Variants in CALN1 observed in about 807,000 individuals in gnomAD.
CALN1 encodes calcium-binding protein 8.
Under a neutral mutation model 30.6 loss-of-function variants are expected in CALN1, and 17 were observed. The ratio of observed to expected loss-of-function variants is 0.56; its 90% CI spans 0.38 to 0.83. The LOEUF is 0.83. Among genes scored for constraint, CALN1 ranks in the 40% least tolerant of loss-of-function variants. The pLI is 0.00. For missense variants in CALN1, 291 were observed against 354.9 expected, an observed-to-expected ratio of 0.82 and a Z score of 1.45; for synonymous variants, 156 against 131.4, an observed-to-expected ratio of 1.19 and a Z score of -1.28.
rs181601056 is a variant in CALN1 at position 72,245,224 on chromosome 7, A to G, written c.244+33462T>C. On this transcript the variant is annotated intron_variant, in intron 3 of 6. Transcript: ENST00000395275. ...GCAGGCAGCCCAGCCCCGCCCTGGT[A>G]AGGACAACATCATCTGAGCCACCAA... 6.1e-3 allele frequency among the ~76,000 whole-genome samples: 932 copies of G among 152,292 alleles called. 14 individuals carry two copies. Among genetic ancestry groups the G allele is most frequent in the African/African-American group, 0.021 (883 of 41,550 alleles).
At position 72,412,329 on chromosome 7, in the gene CALN1, A is replaced by G. The variant is rs1245198930; in HGVS notation, c.-345T>C. The G allele has an allele frequency of 6.6e-6, 1 of 151,988 alleles. No individual in the cohort carries two copies. The highest frequency in any genetic ancestry group is 1.5e-5 in the Non-Finnish European group (1 of 68,076). The allele number at this position is 151,988 out of a possible 1,614,324, so 9.4% of individuals were successfully genotyped here. ...CACAAACTCAAGCGGATAGCACCCC[A>G]GCGAGCTTCCCCAGCGGGCTCGGGG... On this transcript the variant is annotated 5_prime_UTR_variant, in exon 1 of 7. Coordinates refer to ENST00000395275, the MANE Select transcript of CALN1 (RefSeq NM_031468.4).
chr7:71,964,293 G>A (rs547892644), intron 5 of CALN1, among the ~76,000 whole-genome samples: 39 of 151,718 alleles, frequency 2.6e-4, no homozygotes, highest in Non-Finnish European at 4.4e-4. Context: ...GCATTTTTGG[G>A]CTCTGACCCC....
intron 2 of CALN1, among the ~76,000 whole-genome samples, chr7:72,286,293 G>A (rs1042227216): frequency 3.3e-5 from 5 of 152,160 alleles, no homozygotes; most frequent in Admixed American, 2.6e-4. Flanking sequence ...CCACCACTGT[G>A]AAGCAACAAC....
chr7:71,937,534 G>A (rs539163724), intron 5 of CALN1, among the ~76,000 whole-genome samples: 2 of 152,120 alleles, frequency 1.3e-5, no homozygotes, highest in East Asian at 3.9e-4. Flanking sequence ...ACGGGAGTCC[G>A]GTGGTGCAAT....
At chr7:72,008,640 G>A (rs898299172) in intron 5 of CALN1, among the ~76,000 whole-genome samples, 1 of 150,950 alleles carries the variant, frequency 6.6e-6, no homozygotes, top group Admixed American at 6.6e-5. Flanking sequence ...TCAAACCATG[G>A]TATGAGAAGA....
intron 3 of CALN1, among the ~76,000 whole-genome samples, chr7:72,125,794 T>A (rs999956973): frequency 7.9e-6 from 1 of 125,792 alleles, no homozygotes; most frequent in Non-Finnish European, 1.6e-5. Context: ...GTCCACTGTA[T>A]CATTCTTTTT....
intron 3 of CALN1, among the ~76,000 whole-genome samples, chr7:72,158,988 G>C (rs991116463): frequency 6.6e-6 from 1 of 152,012 alleles, no homozygotes; most frequent in African/African-American, 2.4e-5. Flanking sequence ...GAGTAGCTGG[G>C]ATTACAGGCA....
upstream of CALN1, among the ~76,000 whole-genome samples, chr7:72,451,562 A>G (rs1808664752): frequency 6.6e-6 from 1 of 151,984 alleles, no homozygotes; most frequent in South Asian, 2.1e-4. Flanking sequence ...ACCAGGGAGT[A>G]CCCTCATGTC....
chr7:71,939,422 A>AAT (rs1796009588), intron 5 of CALN1, among the ~76,000 whole-genome samples: 1 of 147,996 alleles, frequency 6.8e-6, no homozygotes, highest in Non-Finnish European at 1.5e-5. Context: ...AAAAAAAAAA[A>AAT]GTTGGCCAGG....
rs1345534069 is a variant in CALN1, at chr7:72,145,512, A to G, written c.245-39218T>C. Among the ~76,000 whole-genome samples the G allele has an allele frequency of 7.2e-5, 11 of 152,182 alleles. No individual in the cohort carries two copies. The East Asian group carries it at 1.9e-3, about 27-fold the overall frequency. On this transcript the variant is annotated intron_variant, in intron 3 of 6. Transcript: ENST00000395275. The stretch of plus-strand genomic sequence containing the variant: ...CCAACCAAAAAAAGTCCAGGACCAG[A>G]CAGATTCACAGCCGAATTCTACCAG...
chr7:72,502,824 CA>C, the CALN1 span, among the ~76,000 whole-genome samples: 53 of 152,220 alleles, frequency 3.5e-4, no homozygotes, highest in African/African-American at 1.2e-3. Context: ...ATAATTGTCT[CA>C]TTTTTTTCCT....
At chr7:72,115,924 T>C (rs1028507428) in intron 3 of CALN1, among the ~76,000 whole-genome samples, 1 of 152,212 alleles carries the variant, frequency 6.6e-6, no homozygotes, top group African/African-American at 2.4e-5. Flanking sequence ...GCAATATTTT[T>C]CTTTCTGTGC....
chr7:72,014,159 T>C (rs1800247991), intron 5 of CALN1, among the ~76,000 whole-genome samples: 1 of 149,736 alleles, frequency 6.7e-6, no homozygotes, highest in Non-Finnish European at 1.5e-5. Context: ...TGGTCTCAGC[T>C]CACTGCAGCC....
At chr7:72,321,974 G>T (rs926221424) in intron 2 of CALN1, among the ~76,000 whole-genome samples, 3 of 152,192 alleles carry the variant, frequency 2.0e-5, no homozygotes, top group African/African-American at 7.2e-5. Context: ...GACCAGTTTC[G>T]TGGAAGACAG....
chr7:71,993,086 TCTGGTGTCTGAGG>T (rs1201255023), intron 5 of CALN1, among the ~76,000 whole-genome samples: 1 of 152,024 alleles, frequency 6.6e-6, no homozygotes, highest in Admixed American at 6.5e-5. Context: ...CAAATATAGT[TCTGGTGTCTGAGG>T]CTGTAGCAGC....
At chr7:72,267,008 T>C (rs1585307980) in intron 3 of CALN1, among the ~76,000 whole-genome samples, 2 of 152,154 alleles carry the variant, frequency 1.3e-5, no homozygotes, top group Non-Finnish European at 2.9e-5. Context: ...CCCCCTCTTA[T>C]TGGGATGATG....
intron 3 of CALN1, among the ~76,000 whole-genome samples, chr7:72,242,855 T>A (rs1250513056): frequency 6.6e-6 from 1 of 152,168 alleles, no homozygotes; most frequent in Non-Finnish European, 1.5e-5. Context: ...AACACTGCAC[T>A]TCAGCCTGGG....
chr7:72,257,959 CGAG>C (rs201995729), intron 3 of CALN1, among the ~76,000 whole-genome samples: 2,425 of 151,828 alleles, frequency 0.016, 36 homozygotes, highest in African/African-American at 0.032. Flanking sequence ...TCTGGGGACT[CGAG>C]GGGGAAGAGT....
At chr7:72,113,969 C>T (rs889153298) in intron 3 of CALN1, among the ~76,000 whole-genome samples, 1 of 151,980 alleles carries the variant, frequency 6.6e-6, no homozygotes, top group African/African-American at 2.4e-5. Flanking sequence ...AGAGCTAAGC[C>T]AGCATGGTGG....
Sources: gnomAD v4.1 joint callset for allele counts (sites outside exome capture counted in the v4.1 genomes callset) on GRCh38, gnomAD v4.1.1 for gene constraint, MANE v1.5 for transcripts, NCBI Gene and HGNC (gene_info 2026-07-23, HGNC 2026-07-21) for gene names.